Variants in BOLL observed in about 807,000 individuals in gnomAD.
The protein encoded by BOLL is protein boule-like.
BOLL carries 23 observed loss-of-function variants against 44.4 expected under a neutral mutation model. The ratio of observed to expected loss-of-function variants is 0.52; its 90% CI spans 0.37 to 0.73. The LOEUF (loss-of-function observed/expected upper bound fraction) is 0.73. Among genes scored for constraint, BOLL ranks in the 30% least tolerant of loss-of-function variants. The pLI, the probability that BOLL is intolerant of heterozygous loss-of-function variation, is 0.00. For missense variants in BOLL, 287 were observed against 338.3 expected, an observed-to-expected ratio of 0.85 and a Z score of 1.19; for synonymous variants, 97 against 110.8, an observed-to-expected ratio of 0.88 and a Z score of 0.78.
rs1181442022 is a variant in BOLL at position 197,727,745 on chromosome 2, T to C, written c.*810A>G. 1.3e-5 allele frequency: 2 copies of C among 152,334 alleles called. No homozygotes were observed. Among genetic ancestry groups the C allele is most frequent in the Non-Finnish European group, 2.9e-5 (2 of 68,010 alleles). 9.4% of individuals were successfully genotyped at this position (152,334 alleles called of 1,614,324 possible). On this transcript the variant is annotated 3_prime_UTR_variant, in exon 11 of 11. Transcript: ENST00000392296. ...CAGTGTTATGGGATCATGTCAGAGA[T>C]GAACCCTTTTATCAAAATTCCAAAG...
chr2:197,770,793 G>A (rs946776323), intron 6 of BOLL, among the ~76,000 whole-genome samples: 2 of 151,948 alleles, frequency 1.3e-5, no homozygotes, highest in African/African-American at 4.8e-5. Context: ...CAAAACCACA[G>A]TGAGATACCA....
intron 10 of BOLL, 24 bp downstream of exon 10, chr2:197,743,036 TA>T (rs760863103): frequency 6.6e-7 from 1 of 1,517,876 alleles, no homozygotes; most frequent in Admixed American, 2.2e-5. Flanking sequence ...AAAAACAAAG[TA>T]AAAAGTCAAA....
intron 6 of BOLL, among the ~76,000 whole-genome samples, chr2:197,770,126 C>T (rs1689174740): frequency 6.6e-6 from 1 of 152,134 alleles, no homozygotes; most frequent in Non-Finnish European, 1.5e-5. Context: ...GTAACCAAAA[C>T]AGCATAGTAC....
At chr2:197,784,097 C>T (rs1370449077) in intron 1 of BOLL, among the ~76,000 whole-genome samples, 1 of 151,956 alleles carries the variant, frequency 6.6e-6, no homozygotes, top group Non-Finnish European at 1.5e-5. Context: ...TTCTCCTCCA[C>T]TCTCTAAGGC....
intron 7 of BOLL, among the ~76,000 whole-genome samples, chr2:197,763,990 G>A (rs1294377333): frequency 6.6e-6 from 1 of 152,030 alleles, no homozygotes; most frequent in East Asian, 1.9e-4. Context: ...CCACAATGAG[G>A]TATTATCTAC....
At chr2:197,756,322 A>G (rs1688513690) in intron 9 of BOLL, 106 bp downstream of exon 9, 2 of 1,072,340 alleles carry the variant, frequency 1.9e-6, no homozygotes, top group Admixed American at 3.5e-5. Context: ...CAAAACAAAG[A>G]TGAAGCAGTT....
intron 7 of BOLL, among the ~76,000 whole-genome samples, chr2:197,758,757 T>C (rs1051988093): frequency 6.6e-5 from 10 of 152,206 alleles, no homozygotes; most frequent in African/African-American, 1.2e-4. Flanking sequence ...GAGGATATCA[T>C]AATATATAAT....
chr2:197,779,088 G>A (rs1292479638), intron 2 of BOLL, 22 bp from the exon 3 acceptor site: 17 of 1,526,768 alleles, frequency 1.1e-5, no homozygotes, highest in South Asian at 8.0e-5. Context: ...AAAAGAAAAC[G>A]TTAAAAAGCA....
chr2:197,745,768 C>A (rs1687960877), intron 9 of BOLL, among the ~76,000 whole-genome samples: 1 of 152,180 alleles, frequency 6.6e-6, no homozygotes, highest in Admixed American at 6.5e-5. Context: ...AGGGAGGATT[C>A]TGAAGCCTCC....
intron 10 of BOLL, among the ~76,000 whole-genome samples, chr2:197,738,278 C>T (rs566752374): frequency 5.9e-5 from 9 of 152,130 alleles, no homozygotes; most frequent in East Asian, 1.9e-4. Flanking sequence ...GATGGGGTCT[C>T]GCCATATTGC....
chr2:197,785,941 C>T, upstream of BOLL: 1 of 1,511,474 alleles, frequency 6.6e-7, no homozygotes, highest in Non-Finnish European at 9.2e-7. This position sits in a 1 kb window ranked among gnomAD's most constrained non-coding sequence, Gnocchi z 6.7. Flanking sequence ...TGCTCCTTCT[C>T]CCCGCTATCC....
In BOLL at chr2:197,754,405, C is replaced by G. The variant is rs182883690; in HGVS notation, c.729+2023G>C. Among the ~76,000 whole-genome samples, 48 of 152,068 alleles carry G rather than the reference C, an allele frequency of 3.2e-4. No individual in the cohort carries two copies. In the South Asian group the frequency reaches 9.3e-3, roughly 30 times the overall value. On this transcript the variant is annotated intron_variant, in intron 9 of 10. Transcript: ENST00000392296. Reference sequence around the variant, plus strand: ...GGATTAAAGACTTAAATGTAAAACCCGAAACTATAGAAACCACAGAAGGGC... The same window carrying G: ...GGATTAAAGACTTAAATGTAAAACCGGAAACTATAGAAACCACAGAAGGGC...
At chr2:197,733,642 C>T (rs1211837674) in intron 10 of BOLL, among the ~76,000 whole-genome samples, 1 of 152,120 alleles carries the variant, frequency 6.6e-6, no homozygotes, top group Non-Finnish European at 1.5e-5. Context: ...GAACAGAGCC[C>T]TCAGAAATAA....
chr2:197,756,553 A>C lies in BOLL; in HGVS notation c.604T>G (p.Ser202Ala). The part of the protein sequence containing the change: ...GQWQWSVPQP[S>A]ASSAPFLYLQ... ...TATAAGAATGGAGCAGAAGAGGCAG[A>C]AGGCTAAAATACAAAACCATATTTC... is the stretch of plus-strand genomic sequence containing the variant. The change falls in exon 9 of 11, where the codon TCT becomes GCT. Residue 202 changes from serine (S) to alanine (A), a missense_variant. By Grantham distance (99) the Ser-to-Ala change is moderately conservative. Coordinates refer to ENST00000392296, the MANE Select transcript of BOLL (RefSeq NM_033030.6). 6.2e-7 allele frequency: 1 copy of C among 1,603,936 alleles called. No homozygotes were observed. Among genetic ancestry groups the C allele is most frequent in the Non-Finnish European group, 8.5e-7 (1 of 1,174,896 alleles).
At position 197,781,758 on chromosome 2, in the gene BOLL, G is replaced by GA; in HGVS notation, c.92dup (p.Asn33Ter). On this transcript the variant is annotated frameshift_variant, in exon 2 of 11. Transcript: ENST00000392296. LOFTEE classifies it high-confidence loss of function. ...TTCCTCCTACAAAGATGCGATTAGG[G>GA]ATCACTGTTCCATATCTTGGGGCAC... The GA allele has an allele frequency of 6.3e-7, 1 of 1,585,568 alleles. No individual in the cohort carries two copies. The highest frequency in any genetic ancestry group is 8.6e-7 in the Non-Finnish European group (1 of 1,161,080).
At chr2:197,732,194 A>C (rs1206716911) in intron 10 of BOLL, among the ~76,000 whole-genome samples, 1 of 152,074 alleles carries the variant, frequency 6.6e-6, no homozygotes, top group African/African-American at 2.4e-5. Flanking sequence ...CTACGCAAAT[A>C]AACTAGAAAA....
At chr2:197,770,882 AC>A (rs1465887669) in intron 6 of BOLL, among the ~76,000 whole-genome samples, 3 of 152,160 alleles carry the variant, frequency 2.0e-5, no homozygotes, top group Non-Finnish European at 4.4e-5. Flanking sequence ...AAATAGGAGC[AC>A]TTTTACACTG....
intron 2 of BOLL, 44 bp from the exon 3 acceptor site, chr2:197,779,110 T>C (rs769847204): frequency 9.3e-6 from 13 of 1,398,674 alleles, no homozygotes; most frequent in Non-Finnish European, 1.2e-5. Context: ...TTTTAGTTGA[T>C]AAAAGATGAA....
At chr2:197,765,623 T>TA (rs575441120) in intron 7 of BOLL, among the ~76,000 whole-genome samples, 60 of 148,210 alleles carry the variant, frequency 4.0e-4, no homozygotes, top group Admixed American at 1.2e-3. Flanking sequence ...GAAAAAAAAT[T>TA]AAAAAAAAAA....
Sources: gnomAD v4.1 joint callset for allele counts (sites outside exome capture counted in the v4.1 genomes callset) on GRCh38, gnomAD v4.1.1 for gene constraint, Gnocchi (gnomAD v3.1) non-coding constraint, MANE v1.5 for transcripts, NCBI Gene and HGNC (gene_info 2026-07-23, HGNC 2026-07-21) for gene names.